The following PPP1R21 variants were observed in gnomAD, a reference collection of about 807,000 sequenced individuals.
PPP1R21 encodes protein phosphatase 1 regulatory subunit 21.
In PPP1R21, 85 loss-of-function variants were observed where a neutral mutation model predicts 112.8. The observed-to-expected ratio is 0.75, with a 90% CI of 0.63 to 0.90. The LOEUF is 0.90. PPP1R21 is among the 40% of genes least tolerant of loss of function. The pLI is 0.00. For missense variants in PPP1R21, 1,199 were observed against 901.5 expected, an observed-to-expected ratio of 1.33 and a Z score of -4.23; for synonymous variants, 381 against 322.3, an observed-to-expected ratio of 1.18 and a Z score of -1.95.
At chr2:48,471,477 G>C (rs974240960) in intron 11 of PPP1R21, 110 bp downstream of exon 11, 17 of 1,076,822 alleles carry the variant, frequency 1.6e-5, no homozygotes, top group African/African-American at 6.3e-5. Flanking sequence ...TGACTTTTCT[G>C]CTTCACAGTT....
chr2:48,459,886 G>A lies in PPP1R21; in HGVS notation c.508G>A (p.Glu170Lys), dbSNP rs1667900522. ...CACCCGGAAGTACATGGAAACCATT[G>A]AGAAGCTGCAGAACGACAAGGCTAA... is the stretch of plus-strand genomic sequence containing the variant. ...GLTRKYMETI[E>K]KLQNDKAKLE... The change falls in exon 5 of 22, where the codon GAG becomes AAG. Residue 170 changes from glutamate to lysine, a missense_variant. Coordinates refer to ENST00000294952, the MANE Select transcript of PPP1R21 (RefSeq NM_001135629.3). 11 of 1,614,072 alleles carry A rather than the reference G, an allele frequency of 6.8e-6. No homozygotes were observed. Among genetic ancestry groups the A allele is most frequent in the Middle Eastern group, 1.6e-4 (1 of 6,084 alleles).
At chr2:48,482,754 A>G (rs1465947001) in intron 13 of PPP1R21, among the ~76,000 whole-genome samples, 1 of 148,874 alleles carries the variant, frequency 6.7e-6, no homozygotes, top group African/African-American at 2.4e-5. Context: ...TAGTGTGTAT[A>G]CACATCATCA....
In PPP1R21 at chr2:48,461,128, T is replaced by C; in HGVS notation, c.600-10T>C. On this transcript the variant is annotated splice_polypyrimidine_tract_variant and intron_variant, in intron 6 of 21. Transcript: ENST00000294952. ...GATAATGTGGTTTTGTATTTTTTTT[T>C]TTTTTGCAGTCAATTACAGTTAAAG... 6.4e-7 allele frequency: 1 copy of C among 1,574,130 alleles called. No homozygotes were observed. The highest frequency in any genetic ancestry group is 2.1e-5 in the Admixed American group (1 of 47,346).
At chr2:48,444,503 G>C (rs924885061) in intron 1 of PPP1R21, among the ~76,000 whole-genome samples, 3 of 152,224 alleles carry the variant, frequency 2.0e-5, no homozygotes, top group African/African-American at 7.2e-5. Flanking sequence ...AAAGTGCTGA[G>C]TTCTGGCTCA....
intron 1 of PPP1R21, among the ~76,000 whole-genome samples, chr2:48,447,193 A>T (rs1301884619): frequency 6.6e-6 from 1 of 152,228 alleles, no homozygotes; most frequent in East Asian, 1.9e-4. Flanking sequence ...TATGGGCCGT[A>T]GGGAGTCAGG....
At chr2:48,489,873 G>A (rs71407510) in intron 14 of PPP1R21, among the ~76,000 whole-genome samples, 18,973 of 151,928 alleles carry the variant, frequency 0.12, 1,638 homozygotes, top group Admixed American at 0.22. Flanking sequence ...GTGAAACCCC[G>A]TCTCTACTAA....
chr2:48,481,116 G>A (rs1258787705), intron 13 of PPP1R21, among the ~76,000 whole-genome samples: 1 of 152,212 alleles, frequency 6.6e-6, no homozygotes, highest in East Asian at 1.9e-4. Flanking sequence ...AGCCTCCCAA[G>A]TAGCTGGGAT....
intron 3 of PPP1R21, 38 bp from the exon 4 acceptor site, chr2:48,458,088 A>G (rs1455611707): frequency 7.3e-7 from 1 of 1,364,276 alleles, no homozygotes; most frequent in Non-Finnish European, 1.0e-6. Flanking sequence ...TCTCTAAAGG[A>G]TGAAAGTTAT....
intron 19 of PPP1R21, among the ~76,000 whole-genome samples, chr2:48,508,980 G>A (rs1469522531): frequency 1.3e-5 from 2 of 152,124 alleles, no homozygotes; most frequent in African/African-American, 2.4e-5. Context: ...TGCTCTGAGC[G>A]CCTTATGTTG....
At chr2:48,502,676 CT>C (rs762811938) in intron 17 of PPP1R21, among the ~76,000 whole-genome samples, 365 of 94,032 alleles carry the variant, frequency 3.9e-3, no homozygotes, top group African/African-American at 0.012. Flanking sequence ...AGAAACTTTT[CT>C]TTTTTTTTTT....
chr2:48,507,749 C>CTTTTTTTTTTT lies in PPP1R21; in HGVS notation c.2085+388_2085+398dup, dbSNP rs34546075. On this transcript the variant is annotated intron_variant, in intron 19 of 21. Transcript: ENST00000294952. ...AAGACTGATTTGAGTGAGGCTCTGC[C>CTTTTTTTTTTT]TTTTTTTTTTTTTTTTTTTTTTTTT... is the stretch of plus-strand genomic sequence containing the variant. Among the ~76,000 whole-genome samples the CTTTTTTTTTTT allele has an allele frequency of 1.7e-3, 71 of 42,394 alleles. 16 individuals carry two copies. Among genetic ancestry groups the CTTTTTTTTTTT allele is most frequent in the Admixed American group, 2.2e-3 (5 of 2,266 alleles). The allele number at this position is 42,394 out of a possible 152,430, so 27.8% of individuals were successfully genotyped here.
At chr2:48,457,439 A>T (rs1667776918) in intron 3 of PPP1R21, among the ~76,000 whole-genome samples, 1 of 152,210 alleles carries the variant, frequency 6.6e-6, no homozygotes, top group African/African-American at 2.4e-5. Context: ...ATGTTTGAAC[A>T]CAGTTTCATT....
chr2:48,502,083 A>C (rs1400052133), intron 17 of PPP1R21: 1 of 152,162 alleles, frequency 6.6e-6, no homozygotes, highest in East Asian at 1.9e-4. Context: ...TTATCTTTTT[A>C]TTTGAACATT....
At chr2:48,506,452 G>A (rs1368456872) in intron 18 of PPP1R21, among the ~76,000 whole-genome samples, 1 of 152,152 alleles carries the variant, frequency 6.6e-6, no homozygotes, top group Non-Finnish European at 1.5e-5. Flanking sequence ...TTACCACTCA[G>A]TATGGCAAAC....
intron 4 of PPP1R21, 138 bp from the exon 5 acceptor site, chr2:48,459,616 G>C: frequency 1.2e-6 from 1 of 857,104 alleles, no homozygotes; most frequent in Non-Finnish European, 1.8e-6. Context: ...GATTTAATGA[G>C]ATAATGCCTG....
chr2:48,464,516 C>G (rs1224264600), intron 7 of PPP1R21, among the ~76,000 whole-genome samples: 1 of 152,112 alleles, frequency 6.6e-6, no homozygotes, highest in Non-Finnish European at 1.5e-5. Context: ...CAGTGGCAGA[C>G]AGTGATAGAT....
At chr2:48,506,092 CTTTATTTA>C (rs764136068) in intron 18 of PPP1R21, among the ~76,000 whole-genome samples, 2 of 152,102 alleles carry the variant, frequency 1.3e-5, no homozygotes, top group Non-Finnish European at 2.9e-5. Flanking sequence ...TAAGATGTAA[CTTTATTTA>C]TTTATTTATT....
Position 48,498,681 on chromosome 2 carries a change from C to T in PPP1R21, c.1881C>T (p.Gly627=), listed in dbSNP as rs772487154. The T allele has an allele frequency of 1.9e-6, 3 of 1,614,128 alleles. No homozygotes were observed. The highest frequency in any genetic ancestry group is 1.3e-5 in the African/African-American group (1 of 75,040). ...ATGCTGCTGTGTCAAATACTGCTGG[C>T]CAGGATGAAGCCACAGCTAAGGCTG... is the stretch of plus-strand genomic sequence containing the variant. ...QENAAVSNTA[G]QDEATAKAVL... is the part of the protein sequence containing the mutation. The change falls in exon 17 of 22, where the codon GGC becomes GGT. Residue 627 remains glycine, a synonymous_variant. Transcript: ENST00000294952.
At chr2:48,483,729 C>T (rs569412871) in intron 13 of PPP1R21, among the ~76,000 whole-genome samples, 20 of 152,128 alleles carry the variant, frequency 1.3e-4, no homozygotes, top group Non-Finnish European at 2.8e-4. Context: ...CGTGAGGTAC[C>T]GCGCCTGGCC....
Sources: gnomAD v4.1 joint callset for allele counts (sites outside exome capture counted in the v4.1 genomes callset) on GRCh38, gnomAD v4.1.1 for gene constraint, MANE v1.5 for transcripts, NCBI Gene and HGNC (gene_info 2026-07-23, HGNC 2026-07-21) for gene names.